Variants in WASF2 observed in about 807,000 individuals in gnomAD.
WASF2 encodes the protein WASP family member 2, also known as actin-binding protein WASF2.
Under a neutral mutation model 45.0 loss-of-function variants are expected in WASF2, and 14 were observed. That is an observed-to-expected ratio of 0.31 (90% CI 0.21 to 0.49). WASF2 has a LOEUF of 0.49. Ranked by LOEUF, WASF2 falls within the 20% of genes least tolerant of loss-of-function variation. The pLI, the probability that WASF2 is intolerant of heterozygous loss-of-function variation, is 0.99. For missense variants in WASF2, 439 were observed against 636.1 expected (o/e 0.69, Z 3.33); for synonymous variants, 200 against 236.3 (o/e 0.85, Z 1.41).
At chr1:27,456,978 G>C (rs181012885) in intron 1 of WASF2, among the ~76,000 whole-genome samples, 1 of 151,986 alleles carries the variant, frequency 6.6e-6, no homozygotes, top group African/African-American at 2.4e-5. Context: ...CTGACCTCAG[G>C]TGATCTGCCC....
In WASF2 at chr1:27,406,463, C is replaced by T. The variant is rs2016677006; in HGVS notation, c.*1726G>A. The T allele has an allele frequency of 6.5e-6, 1 of 152,718 alleles. No homozygotes were observed. Among genetic ancestry groups the T allele is most frequent in the South Asian group, 2.1e-4 (1 of 4,830 alleles). 9.5% of individuals were successfully genotyped at this position (152,718 alleles called of 1,614,324 possible). ...AGAACCCATGACTATACACTCTCTCCTCAAGCCGGAGGGCTTTATGAGGGC... is the reference window on the plus strand; with the variant it reads ...AGAACCCATGACTATACACTCTCTCTTCAAGCCGGAGGGCTTTATGAGGGC... On this transcript the variant is annotated 3_prime_UTR_variant, in exon 9 of 9. Coordinates refer to ENST00000618852, the MANE Select transcript of WASF2 (RefSeq NM_006990.5).
intron 1 of WASF2, among the ~76,000 whole-genome samples, chr1:27,487,665 T>TTA (rs1196742654): frequency 9.6e-6 from 1 of 104,542 alleles, no homozygotes; most frequent in Non-Finnish European, 1.8e-5. Flanking sequence ...ATAATATATA[T>TTA]TATATATATT....
At chr1:27,466,539 TAAGTGCAAAGC>T in intron 1 of WASF2, among the ~76,000 whole-genome samples, 1 of 152,316 alleles carries the variant, frequency 6.6e-6, no homozygotes, top group Non-Finnish European at 1.5e-5. Flanking sequence ...ATATGTGCCG[TAAGTGCAAAGC>T]ACCAACTTTC....
chr1:27,413,170 A>C (rs186555523), intron 6 of WASF2, among the ~76,000 whole-genome samples: 180 of 152,324 alleles, frequency 1.2e-3, no homozygotes, highest in African/African-American at 3.2e-3. Flanking sequence ...AAGCCTCTGG[A>C]GAGCTCGAAG....
chr1:27,463,091 A>T (rs1315179559), intron 1 of WASF2, among the ~76,000 whole-genome samples: 2 of 152,218 alleles, frequency 1.3e-5, no homozygotes, highest in Non-Finnish European at 2.9e-5. Context: ...AATTGCTGGA[A>T]GTACAGGCAT....
At chr1:27,485,962 G>A (rs1007087627) in intron 1 of WASF2, among the ~76,000 whole-genome samples, 9 of 152,116 alleles carry the variant, frequency 5.9e-5, no homozygotes, top group African/African-American at 1.9e-4. Flanking sequence ...TGCCCGCCTC[G>A]GCCTCCCAGA....
chr1:27,405,916 T>G lies in WASF2; in HGVS notation c.*2273A>C, dbSNP rs1179842653. ...GGCAGTGCCCCTCCCCACCTCCTCC[T>G]GCCCCCAGCCCTTTCCACGATGGAC... On this transcript the variant is annotated 3_prime_UTR_variant, in exon 9 of 9. Transcript: ENST00000618852. 2.0e-5 allele frequency: 3 copies of G among 152,394 alleles called. No individual in the cohort carries two copies. The highest frequency in any genetic ancestry group is 4.4e-5 in the Non-Finnish European group (3 of 68,018). The allele number at this position is 152,394 out of a possible 1,614,324, so 9.4% of individuals were successfully genotyped here.
At chr1:27,456,508 T>C (rs187662636) in intron 1 of WASF2, among the ~76,000 whole-genome samples, 56 of 152,156 alleles carry the variant, frequency 3.7e-4, no homozygotes, top group Middle Eastern at 3.4e-3. Flanking sequence ...ATGTAAACCA[T>C]AGTTCACCAT....
At chr1:27,444,360 G>A (rs939722558) in intron 1 of WASF2, among the ~76,000 whole-genome samples, 2 of 152,170 alleles carry the variant, frequency 1.3e-5, no homozygotes, top group African/African-American at 4.8e-5. Context: ...GATTACAGGC[G>A]TAAACCACCA....
rs562910438 is a variant in WASF2 at position 27,412,626 on chromosome 1, G to A, written c.770C>T (p.Ser257Leu). ...PPPPQSDSASSPSPSFSEDNL... is the reference protein window; with the variant it reads ...PPPPQSDSASLPSPSFSEDNL... ...GTCCTCGGAGAAGGAAGGAGAAGGT[G>A]AAGAAGCAGAGTCTGACTGTGGTGG... Residue 257 changes from serine (S) to leucine (L), a missense_variant, in exon 7 of 9, where the codon TCA (serine) becomes TTA (leucine). Coordinates refer to ENST00000618852, the MANE Select transcript of WASF2 (RefSeq NM_006990.5). The A allele has an allele frequency of 1.4e-4, 226 of 1,614,250 alleles. 4 individuals carry two copies. In the South Asian group the frequency reaches 2.4e-3, roughly 17 times the overall value.
intron 1 of WASF2, among the ~76,000 whole-genome samples, chr1:27,474,421 A>C (rs907146429): frequency 6.6e-6 from 1 of 152,044 alleles, no homozygotes; most frequent in African/African-American, 2.4e-5. Flanking sequence ...GGATCACTTG[A>C]GCCCAGGAGT....
Position 27,409,745 on chromosome 1 carries a change from G to A in WASF2, c.1286C>T (p.Ser429Phe). The A allele has an allele frequency of 6.6e-7, 1 of 1,521,854 alleles. No individual in the cohort carries two copies. The highest frequency in any genetic ancestry group is 8.8e-7 in the Non-Finnish European group (1 of 1,137,334). 94.3% of individuals were successfully genotyped at this position (1,521,854 alleles called of 1,614,324 possible). A position where few individuals can be genotyped will look rare whatever the true frequency, so the allele number is the denominator to read the frequency against. Reference protein sequence around the residue: ...PLSDTTKPKSSLPAVSDARSD... With the variant: ...PLSDTTKPKSFLPAVSDARSD... ...ACGGGCATCGCTCACGGCAGGCAAG[G>A]AGGACTTGGGCTTGGTGGTATCAGA... The change falls in exon 8 of 9, where the codon TCC (serine) becomes TTC (phenylalanine). Residue 429 changes from serine (S) to phenylalanine (F), a missense_variant. By Grantham distance (155) the Ser-to-Phe change is radical. Around this residue, in one of 5 missense-constraint regions of WASF2, gnomAD observed 286 missense variants for 373.5 expected, o/e 0.77. Coordinates refer to ENST00000618852, the MANE Select transcript of WASF2 (RefSeq NM_006990.5).
chr1:27,423,887 C>G (rs549195804), intron 2 of WASF2, among the ~76,000 whole-genome samples: 9 of 152,294 alleles, frequency 5.9e-5, no homozygotes, highest in African/African-American at 2.2e-4. Flanking sequence ...GCCCCACCCC[C>G]TCACCCACAC....
chr1:27,454,173 ATATATATATATATATTTT>A (rs772490191), intron 1 of WASF2, among the ~76,000 whole-genome samples: 25,282 of 59,092 alleles, frequency 0.43, 3,729 homozygotes, highest in Non-Finnish European at 0.49. Context: ...ATATATATAT[ATATATATATATATATTTT>A]TTTTTTTTTT....
At position 27,416,099 on chromosome 1, in the gene WASF2, G is replaced by A. The variant is rs187587794; in HGVS notation, c.423C>T (p.Asp141=). 66 of 1,613,128 alleles carry A rather than the reference G, an allele frequency of 4.1e-5. No individual in the cohort carries two copies. The highest frequency in any genetic ancestry group is 3.3e-4 in the Middle Eastern group (2 of 6,056). The change falls in exon 5 of 9, where the codon GAC becomes GAT. Residue 141 remains aspartate (D), a synonymous_variant. Coordinates refer to ENST00000618852, the MANE Select transcript of WASF2 (RefSeq NM_006990.5). The part of the protein sequence containing the change: ...PPLNNLTPYR[D]DGKEALKFYT... ...AGAATTTGAGTGCCTCTTTTCCATC[G>A]TCCCTGGGATAGAAATGAAGACAAG...
intron 2 of WASF2, among the ~76,000 whole-genome samples, chr1:27,419,572 G>A (rs988985419): frequency 6.6e-6 from 1 of 152,154 alleles, no homozygotes; most frequent in African/African-American, 2.4e-5. Flanking sequence ...CCAAGACCGA[G>A]CCACTGCACC....
chr1:27,481,914 T>C (rs543688027), intron 1 of WASF2, among the ~76,000 whole-genome samples: 10 of 152,190 alleles, frequency 6.6e-5, no homozygotes, highest in Non-Finnish European at 1.0e-4. Flanking sequence ...GAAATCATCA[T>C]GAAAAGCAAA....
At chr1:27,460,240 A>T (rs1217826470) in intron 1 of WASF2, among the ~76,000 whole-genome samples, 1 of 152,036 alleles carries the variant, frequency 6.6e-6, no homozygotes, top group Non-Finnish European at 1.5e-5. Context: ...TTTTAATGGG[A>T]CAAGTGTTAT....
intron 1 of WASF2, among the ~76,000 whole-genome samples, chr1:27,435,464 T>A (rs1235723662): frequency 6.6e-5 from 10 of 152,052 alleles, no homozygotes; most frequent in East Asian, 1.9e-4. Flanking sequence ...GCTACATGCC[T>A]ATAGTCTCAG....
Sources: allele counts gnomAD v4.1 joint callset (sites outside exome capture counted in the v4.1 genomes callset), GRCh38; gene constraint gnomAD v4.1.1; regional missense constraint gnomAD v4.1.1; transcripts MANE v1.5; gene names NCBI Gene and HGNC (gene_info 2026-07-23, HGNC 2026-07-21).